Variants in TCP11L2 observed in about 807,000 individuals in gnomAD.
TCP11L2 encodes t-complex 11 like 2.
TCP11L2 carries 39 observed loss-of-function variants against 50.7 expected under a neutral mutation model. That is an observed-to-expected ratio of 0.77 (90% CI 0.60 to 1.01). TCP11L2 has a LOEUF of 1.01. TCP11L2 is among the 50% of genes least tolerant of loss of function. The pLI is 0.00. For synonymous variants in TCP11L2, 192 were observed against 219.3 expected (o/e 0.88, Z 1.10); for missense variants, 612 against 614.7 (o/e 1.00, Z 0.05).
At chr12:106,309,237 TG>T (rs2034754963) in intron 1 of TCP11L2, among the ~76,000 whole-genome samples, 1 of 152,238 alleles carries the variant, frequency 6.6e-6, no homozygotes, top group Non-Finnish European at 1.5e-5. Context: ...CGCCTTCCCC[TG>T]AGCAGATTGG....
chr12:106,335,287 C>T (rs1452824510), intron 6 of TCP11L2, among the ~76,000 whole-genome samples: 1 of 152,212 alleles, frequency 6.6e-6, no homozygotes, highest in Non-Finnish European at 1.5e-5. Context: ...CCATTTGCTA[C>T]AACCCTCTTA....
At position 106,314,499 on chromosome 12, in the gene TCP11L2, C is replaced by CG. The variant is rs779794609; in HGVS notation, c.293+6_293+7insG. ...GAGGCTCTCCCAGAAAAGAGGTAACCTGGGGGCATTTGTTGTATATAAACT... is the reference window on the plus strand; with the variant it reads ...GAGGCTCTCCCAGAAAAGAGGTAACCGTGGGGGCATTTGTTGTATATAAACT... On this transcript the variant is annotated splice_region_variant and intron_variant, in intron 3 of 9. Coordinates refer to ENST00000299045, the MANE Select transcript of TCP11L2 (RefSeq NM_152772.3). 7 of 1,582,348 alleles carry CG rather than the reference C, an allele frequency of 4.4e-6. No individual in the cohort carries two copies. The highest frequency in any genetic ancestry group is 5.2e-6 in the Non-Finnish European group (6 of 1,161,442).
chr12:106,314,261 A>G (rs930828463), intron 2 of TCP11L2, 97 bp from the exon 3 acceptor site: 12 of 1,306,286 alleles, frequency 9.2e-6, no homozygotes, highest in Non-Finnish European at 1.1e-5. Flanking sequence ...TCTGAAGTAT[A>G]TACATTCTGA....
At chr12:106,330,743 G>A (rs186617564) in intron 6 of TCP11L2, among the ~76,000 whole-genome samples, 20 of 152,232 alleles carry the variant, frequency 1.3e-4, no homozygotes, top group Admixed American at 9.2e-4. Context: ...GCTGGTGGGT[G>A]CCTCCTTCTT....
At chr12:106,329,206 C>A in intron 6 of TCP11L2, 1 of 1,189,420 alleles carries the variant, frequency 8.4e-7, no homozygotes, top group Non-Finnish European at 1.2e-6. Flanking sequence ...TTCTCGAGTG[C>A]AGGGACTGTG....
intron 9 of TCP11L2, among the ~76,000 whole-genome samples, chr12:106,344,367 C>T (rs748269789): frequency 6.6e-6 from 1 of 152,138 alleles, no homozygotes; most frequent in Non-Finnish European, 1.5e-5. Flanking sequence ...ATAAACCTCA[C>T]GCTCAGAGAG....
intron 1 of TCP11L2, among the ~76,000 whole-genome samples, chr12:106,310,098 G>T (rs2034795079): frequency 6.6e-6 from 1 of 152,144 alleles, no homozygotes. Flanking sequence ...TGGGACCAAG[G>T]CCTGGTCATC....
chr12:106,314,642 A>G, intron 3 of TCP11L2, 149 bp downstream of exon 3: 8 of 707,776 alleles, frequency 1.1e-5, no homozygotes, highest in Non-Finnish European at 1.8e-5. Flanking sequence ...TGATTCCTGG[A>G]AGTTCTTGTA....
In TCP11L2 at chr12:106,329,999, T is replaced by C. The variant is rs141638107; in HGVS notation, c.773-5640T>C. ...GCTGGGTCCAAGAAGAATTTCAGTC[T>C]CTCTCTACTCTGCACCTGTGTTCAG... On this transcript the variant is annotated intron_variant, in intron 6 of 9. Coordinates refer to ENST00000299045, the MANE Select transcript of TCP11L2 (RefSeq NM_152772.3). The C allele has an allele frequency of 5.9e-4, 585 of 985,218 alleles. 9 individuals carry two copies. The African/African-American group carries it at 9.6e-3, about 16-fold the overall frequency. 61.0% of individuals were successfully genotyped at this position (985,218 alleles called of 1,614,324 possible).
chr12:106,345,578 A>T (rs1343873092), intron 9 of TCP11L2, among the ~76,000 whole-genome samples: 1 of 152,192 alleles, frequency 6.6e-6, no homozygotes, highest in Non-Finnish European at 1.5e-5. Context: ...ACTCAGCTTT[A>T]GTGTATGTAA....
intron 1 of TCP11L2, among the ~76,000 whole-genome samples, chr12:106,304,695 T>C (rs1282607851): frequency 1.3e-5 from 2 of 152,252 alleles, no homozygotes; most frequent in Non-Finnish European, 2.9e-5. Context: ...AATTTCTTTT[T>C]TGCGTGAGCT....
intron 6 of TCP11L2, 51 bp from the exon 7 acceptor site, chr12:106,335,588 G>A (rs772374691): frequency 8.9e-6 from 14 of 1,580,428 alleles, no homozygotes; most frequent in Non-Finnish European, 1.1e-5. Context: ...GAATACACCA[G>A]TGAAGGGATC....
At chr12:106,321,751 C>A in intron 5 of TCP11L2, 45 bp downstream of exon 5, 1 of 1,548,976 alleles carries the variant, frequency 6.5e-7, no homozygotes, top group Non-Finnish European at 8.9e-7. Flanking sequence ...TCTTTGAGTT[C>A]ATTCAGAAGG....
chr12:106,309,723 A>G (rs939651455), intron 1 of TCP11L2, among the ~76,000 whole-genome samples: 5 of 151,202 alleles, frequency 3.3e-5, no homozygotes, highest in African/African-American at 1.2e-4. Flanking sequence ...TTCAGTACAC[A>G]GTTTTAGGTA....
chr12:106,299,396 C>T (rs1324575375), upstream of TCP11L2, among the ~76,000 whole-genome samples: 1 of 152,158 alleles, frequency 6.6e-6, no homozygotes, highest in Non-Finnish European at 1.5e-5. Flanking sequence ...AGATAAGCAC[C>T]TTTAACCACT....
upstream of TCP11L2, among the ~76,000 whole-genome samples, chr12:106,300,802 G>A (rs1470784551): frequency 1.3e-5 from 2 of 152,200 alleles, no homozygotes; most frequent in Non-Finnish European, 2.9e-5. Flanking sequence ...TTTGACAAAA[G>A]CTGCTTTCCT....
chr12:106,305,086 G>A (rs796877805), intron 1 of TCP11L2, among the ~76,000 whole-genome samples: 2 of 152,188 alleles, frequency 1.3e-5, no homozygotes, highest in Non-Finnish European at 1.5e-5. Flanking sequence ...TGGAGTGGTA[G>A]AGAGCATGGG....
intron 8 of TCP11L2, among the ~76,000 whole-genome samples, chr12:106,339,423 T>C (rs1256877106): frequency 1.3e-5 from 2 of 152,254 alleles, no homozygotes; most frequent in African/African-American, 4.8e-5. Context: ...TCCCATTCTA[T>C]AGGCTGTTTA....
At chr12:106,307,759 G>A (rs79057663) in intron 1 of TCP11L2, among the ~76,000 whole-genome samples, 3,313 of 152,198 alleles carry the variant, frequency 0.022, 42 homozygotes, top group Middle Eastern at 0.037. Flanking sequence ...GAAGAATATG[G>A]TGTTATCCTG....
Sources: allele counts gnomAD v4.1 joint callset (sites outside exome capture counted in the v4.1 genomes callset), GRCh38; gene constraint gnomAD v4.1.1; transcripts MANE v1.5; gene names NCBI Gene and HGNC (gene_info 2026-07-23, HGNC 2026-07-21).